Variants in SYTL2 observed in about 807,000 individuals in gnomAD.
SYTL2 encodes synaptotagmin like 2.
Under a neutral mutation model 198.7 loss-of-function variants are expected in SYTL2, and 165 were observed. The ratio of observed to expected loss-of-function variants is 0.83; its 90% confidence interval spans 0.73 to 0.94. SYTL2 has a LOEUF of 0.94. SYTL2 is among the 40% of genes least tolerant of loss of function. SYTL2 has a pLI of 0.00. For missense variants in SYTL2, 2,835 were observed against 2,582.8 expected (o/e 1.10, Z -2.12); for synonymous variants, 966 against 917.7 (o/e 1.05, Z -0.95).
the SYTL2 span, among the ~76,000 whole-genome samples, chr11:85,825,076 G>A: frequency 6.6e-6 from 1 of 152,124 alleles, no homozygotes; most frequent in Non-Finnish European, 1.5e-5. Flanking sequence ...TGTTCACTAC[G>A]CCTAATACAT....
At chr11:85,793,300 G>A (rs1367958171) in intron 1 of SYTL2, among the ~76,000 whole-genome samples, 1 of 152,026 alleles carries the variant, frequency 6.6e-6, no homozygotes, top group Non-Finnish European at 1.5e-5. Context: ...GTTGTTTCCT[G>A]ACTTTTTAAT....
At chr11:85,836,621 C>G in the SYTL2 span, among the ~76,000 whole-genome samples, 1 of 151,998 alleles carries the variant, frequency 6.6e-6, no homozygotes, top group African/African-American at 2.4e-5. Flanking sequence ...GGTAGATATG[C>G]ATGATGGCTC....
the SYTL2 span, among the ~76,000 whole-genome samples, chr11:85,838,298 T>C: frequency 6.6e-6 from 1 of 152,210 alleles, no homozygotes; most frequent in Non-Finnish European, 1.5e-5. Flanking sequence ...ATATTATTTC[T>C]TGGGAGATAG....
In SYTL2 at chr11:85,727,289, A is replaced by G. The variant is rs2089308104; in HGVS notation, c.2069T>C (p.Ile690Thr). The G allele has an allele frequency of 3.3e-6, 5 of 1,535,094 alleles. No homozygotes were observed. The highest frequency in any genetic ancestry group is 4.4e-6 in the Non-Finnish European group (5 of 1,146,704). ...GGGTTCTTCTTCACCCAAGTTGCCA[A>G]TATTATTAGTGTTGCATGGAACTTG... ...ENQVPCNTNN[I>T]GNLGEEEPKF... is the part of the protein sequence containing the mutation. Residue 690 changes from isoleucine (I) to threonine (T), a missense_variant, in exon 8 of 20, where the codon ATT (isoleucine) becomes ACT (threonine). By Grantham distance (89) the Ile-to-Thr change is moderately conservative (BLOSUM62 -1). This residue lies in a region of SYTL2 where 2,645 missense variants were observed against 2,381.7 expected (regional missense o/e 1.11). Transcript: ENST00000359152.
the SYTL2 span, among the ~76,000 whole-genome samples, chr11:85,832,125 C>A: frequency 2.0e-5 from 3 of 152,120 alleles, no homozygotes; most frequent in Admixed American, 6.5e-5. Context: ...CTGGTTGGCA[C>A]AACTCTGCAG....
chr11:85,811,803 G>A (rs1031960630), upstream of SYTL2, among the ~76,000 whole-genome samples: 22 of 152,168 alleles, frequency 1.4e-4, no homozygotes, highest in Non-Finnish European at 2.9e-4. Flanking sequence ...ATGCAATACA[G>A]TAAATACAAT....
intron 17 of SYTL2, among the ~76,000 whole-genome samples, 163 bp from the exon 18 acceptor site, chr11:85,698,241 T>C (rs896001487): frequency 5.9e-5 from 9 of 152,240 alleles, no homozygotes; most frequent in African/African-American, 1.4e-4. Context: ...TAAGTCTTCA[T>C]AATCTGGTTT....
intron 1 of SYTL2, among the ~76,000 whole-genome samples, chr11:85,795,336 A>G (rs1679262166): frequency 6.6e-6 from 1 of 152,094 alleles, no homozygotes; most frequent in South Asian, 2.1e-4. Flanking sequence ...AAAAAAACTG[A>G]ACCCTCTCAG....
chr11:85,790,367 G>C (rs181283860), intron 1 of SYTL2, among the ~76,000 whole-genome samples: 1 of 152,268 alleles, frequency 6.6e-6, no homozygotes, highest in East Asian at 1.9e-4. Flanking sequence ...CCTATCCCAA[G>C]CACAACCCCT....
At position 85,734,232 on chromosome 11, in the gene SYTL2, T is replaced by C. The variant is rs776249653; in HGVS notation, c.1097A>G (p.Lys366Arg). ...GTCCCCTGCATCTTCCATTCCATTT[T>C]TCAATCTGTCAGATTCTAAAACACT... ...EFSVLESDRL[K>R]NGMEDAGDTE... Residue 366 changes from lysine (K) to arginine (R), a missense_variant, in exon 7 of 20, where the codon AAA (lysine) becomes AGA (arginine). Lys to Arg is a conservative substitution (Grantham distance 26, BLOSUM62 2). Coordinates refer to ENST00000359152, the MANE Select transcript of SYTL2 (RefSeq NM_206927.4). 1 of 1,614,230 alleles carries C rather than the reference T, an allele frequency of 6.2e-7. No individual in the cohort carries two copies. Among genetic ancestry groups the C allele is most frequent in the Non-Finnish European group, 8.5e-7 (1 of 1,180,018 alleles).
chr11:85,842,789 T>G, the SYTL2 span, among the ~76,000 whole-genome samples: 1 of 152,262 alleles, frequency 6.6e-6, no homozygotes, highest in East Asian at 1.9e-4. Context: ...TGTGGAAGAA[T>G]GCGAAGACAG....
intron 7 of SYTL2, among the ~76,000 whole-genome samples, chr11:85,730,793 G>C (rs2089734853): frequency 6.6e-6 from 1 of 152,152 alleles, no homozygotes; most frequent in Admixed American, 6.5e-5. Context: ...AGGAAGAGAG[G>C]AGGTCAAATT....
intron 16 of SYTL2, among the ~76,000 whole-genome samples, chr11:85,703,757 A>G (rs1169509455): frequency 6.6e-6 from 1 of 152,202 alleles, no homozygotes; most frequent in East Asian, 1.9e-4. Context: ...GGACTTAAAA[A>G]TATATACAAT....
chr11:85,853,125 G>A, the SYTL2 span: 41,675 of 290,736 alleles, frequency 0.14, 3,456 homozygotes, highest in Middle Eastern at 0.17. Context: ...GAAGCGAGGA[G>A]CCCCTCTGCC....
the SYTL2 span, among the ~76,000 whole-genome samples, chr11:85,816,525 G>T: frequency 6.6e-6 from 1 of 152,186 alleles, no homozygotes; most frequent in Non-Finnish European, 1.5e-5. Context: ...CAGAGTCTCA[G>T]TGTGGGACAA....
chr11:85,797,780 C>T lies in SYTL2; in HGVS notation c.-390+13174G>A, dbSNP rs542613719. Among the ~76,000 whole-genome samples the T allele has an allele frequency of 6.6e-5, 10 of 152,194 alleles. No homozygotes were observed. In the South Asian group the frequency reaches 2.1e-3, roughly 32 times the overall value. The stretch of plus-strand genomic sequence containing the variant: ...CAGCTGGCCATACCCCACCTGGCCA[C>T]TCATCTATCTCATACCATACCTTAG... On this transcript the variant is annotated intron_variant, in intron 1 of 19. Transcript: ENST00000359152.
intron 2 of SYTL2, 100 bp downstream of exon 2, chr11:85,757,525 G>A (rs1255273153): frequency 2.2e-6 from 3 of 1,338,408 alleles, no homozygotes; most frequent in Middle Eastern, 1.9e-4. Flanking sequence ...CAGTCTTCGA[G>A]TCAGAACTAC....
At chr11:85,724,001 C>A in intron 8 of SYTL2, 31 bp downstream of exon 8, 1 of 1,319,800 alleles carries the variant, frequency 7.6e-7, no homozygotes, top group South Asian at 1.9e-5. Context: ...AAAGCAGACT[C>A]ACTGTGAGTT....
chr11:85,780,683 A>G (rs2092544697), intron 1 of SYTL2, among the ~76,000 whole-genome samples: 1 of 152,218 alleles, frequency 6.6e-6, no homozygotes, highest in Non-Finnish European at 1.5e-5. Flanking sequence ...TATCCTTTGC[A>G]ATATCCTTTA....
Sources: gnomAD v4.1 joint callset for allele counts (sites outside exome capture counted in the v4.1 genomes callset) on GRCh38, gnomAD v4.1.1 for gene constraint, gnomAD v4.1.1 regional missense constraint, MANE v1.5 for transcripts, NCBI Gene and HGNC (gene_info 2026-07-23, HGNC 2026-07-21) for gene names.